The following MYO16 variants were observed in gnomAD, a reference collection of about 807,000 sequenced individuals.
MYO16 encodes myosin XVI.
Under a neutral mutation model 205.3 loss-of-function variants are expected in MYO16, and 94 were observed. The ratio of observed to expected loss-of-function variants is 0.46; its 90% CI spans 0.39 to 0.54. MYO16 has a LOEUF of 0.54. Among genes scored for constraint, MYO16 ranks in the 20% least tolerant of loss-of-function variants. The probability of loss-of-function intolerance (pLI) is 0.00; values close to 1 mark genes in which losing one functional copy is unlikely to be tolerated. For missense variants in MYO16, 2,315 were observed against 2,387.5 expected (o/e 0.97, Z 0.63); for synonymous variants, 988 against 954.0 (o/e 1.04, Z -0.66).
chr13:108,807,296 T>C (rs1464463080), intron 7 of MYO16, among the ~76,000 whole-genome samples: 1 of 152,146 alleles, frequency 6.6e-6, no homozygotes, highest in Non-Finnish European at 1.5e-5. Flanking sequence ...AGACTAATCA[T>C]TATGTAAAAT....
At chr13:108,736,169 T>C (rs1884690770) in intron 4 of MYO16, among the ~76,000 whole-genome samples, 1 of 152,230 alleles carries the variant, frequency 6.6e-6, no homozygotes, top group Admixed American at 6.5e-5. Flanking sequence ...TTTGTCAATT[T>C]TGGCTTTTGT....
chr13:108,898,757 A>G (rs536564049), intron 15 of MYO16, among the ~76,000 whole-genome samples: 1 of 152,298 alleles, frequency 6.6e-6, no homozygotes, highest in Admixed American at 6.5e-5. Flanking sequence ...AGTATATTTT[A>G]TAAAAACTCC....
chr13:109,116,363 G>C (rs913326481), intron 28 of MYO16, among the ~76,000 whole-genome samples: 8 of 152,094 alleles, frequency 5.3e-5, no homozygotes, highest in Admixed American at 2.0e-4. Context: ...CCAGGGGATT[G>C]GAGGACAGAT....
At chr13:109,163,870 T>C (rs1321271359) in intron 32 of MYO16, 1 of 152,206 alleles carries the variant, frequency 6.6e-6, no homozygotes, top group Non-Finnish European at 1.5e-5. Flanking sequence ...CGTTCTGCCA[T>C]ATTTAAAGTA....
At chr13:109,037,972 G>C (rs1361663684) in intron 23 of MYO16, among the ~76,000 whole-genome samples, 1 of 152,170 alleles carries the variant, frequency 6.6e-6, no homozygotes, top group African/African-American at 2.4e-5. Flanking sequence ...GTGATGGCAA[G>C]GGAGGAATCT....
At chr13:108,543,610 C>T in the MYO16 span, among the ~76,000 whole-genome samples, 1 of 146,730 alleles carries the variant, frequency 6.8e-6, no homozygotes, top group African/African-American at 2.5e-5. Context: ...CCACTGCACT[C>T]CAGCCTGGGC....
At chr13:108,857,852 C>A (rs1198288957) in intron 11 of MYO16, among the ~76,000 whole-genome samples, 1 of 152,210 alleles carries the variant, frequency 6.6e-6, no homozygotes, top group Non-Finnish European at 1.5e-5. Flanking sequence ...TAGTCAGTTT[C>A]TCTCTCTTTC....
At chr13:108,503,046 G>T in the MYO16 span, among the ~76,000 whole-genome samples, 8 of 152,136 alleles carry the variant, frequency 5.3e-5, no homozygotes, top group Non-Finnish European at 1.2e-4. Flanking sequence ...GTGAAGCTAA[G>T]ATATGTTATT....
chr13:108,809,505 C>G (rs182591587), intron 7 of MYO16, among the ~76,000 whole-genome samples: 3 of 152,054 alleles, frequency 2.0e-5, no homozygotes, highest in African/African-American at 7.2e-5. Flanking sequence ...GAATGTGAAG[C>G]GGGAACAGGC....
intron 28 of MYO16, among the ~76,000 whole-genome samples, chr13:109,117,470 ATG>A (rs1875773196): frequency 6.8e-6 from 1 of 148,130 alleles, no homozygotes. Context: ...ATGTGTATAT[ATG>A]TATGTATATG....
intron 28 of MYO16, among the ~76,000 whole-genome samples, chr13:109,118,877 A>C (rs1198314730): frequency 6.6e-6 from 1 of 152,182 alleles, no homozygotes; most frequent in Non-Finnish European, 1.5e-5. Flanking sequence ...CCACCCACTC[A>C]TGTTACTGTC....
chr13:108,545,170 C>T, the MYO16 span, among the ~76,000 whole-genome samples: 1 of 152,122 alleles, frequency 6.6e-6, no homozygotes, highest in African/African-American at 2.4e-5. Flanking sequence ...CCTCTACCCT[C>T]AGGGAGGCCC....
In MYO16 at chr13:108,831,702, A is replaced by C. The variant is rs376154119; in HGVS notation, c.1097+8424A>C. ...TAATTTTTGTAATTTTACTAGAGAC[A>C]GGGTTTTACCACCTTGGCCAGGCTG... On this transcript the variant is annotated intron_variant, in intron 9 of 34. Transcript: ENST00000457511. Among the ~76,000 whole-genome samples the C allele has an allele frequency of 7.2e-5, 11 of 152,264 alleles. No homozygotes were observed. In the East Asian group the frequency reaches 1.9e-3, roughly 27 times the overall value.
At chr13:109,043,259 C>T (rs189000639) in intron 23 of MYO16, among the ~76,000 whole-genome samples, 17 of 152,184 alleles carry the variant, frequency 1.1e-4, no homozygotes, top group South Asian at 4.2e-4. Flanking sequence ...CTGAGAAATG[C>T]GTAGTCATCG....
chr13:108,941,017 C>T (rs937166089), intron 16 of MYO16, among the ~76,000 whole-genome samples: 1 of 152,198 alleles, frequency 6.6e-6, no homozygotes. Flanking sequence ...TTAATTTGAA[C>T]TTTCATTGCT....
chr13:108,629,864 T>C lies in MYO16; in HGVS notation c.20T>C (p.Ile7Thr). 2 of 1,528,212 alleles carry C rather than the reference T, an allele frequency of 1.3e-6. No individual in the cohort carries two copies. Among genetic ancestry groups the C allele is most frequent in the Non-Finnish European group, 1.8e-6 (2 of 1,140,312 alleles). 94.7% of individuals were successfully genotyped at this position (1,528,212 alleles called of 1,614,324 possible). Reference protein sequence around the residue: MSHYHFIKCCCFQLCNV... With the variant: MSHYHFTKCCCFQLCNV... ...GGAAAGATGTCTCACTATCATTTTA[T>C]CAAGTGCTGTAAGTAAGCTTGATAT... The change falls in exon 1 of 35, where the codon ATC (isoleucine) becomes ACC (threonine). Residue 7 changes from isoleucine to threonine, a missense_variant. By Grantham distance (89) the Ile-to-Thr change is moderately conservative (BLOSUM62 -1). Around this residue, in one of 3 missense-constraint regions of MYO16, gnomAD observed 1,213 missense variants for 1,274.4 expected, o/e 0.95. Transcript: ENST00000457511.
intron 1 of MYO16, among the ~76,000 whole-genome samples, chr13:108,617,850 C>A (rs1332764080): frequency 6.6e-6 from 1 of 152,062 alleles, no homozygotes; most frequent in East Asian, 1.9e-4. Context: ...ATATATCATA[C>A]CCAGATAATC....
At chr13:108,872,901 A>G (rs1879136287) in intron 12 of MYO16, among the ~76,000 whole-genome samples, 1 of 152,182 alleles carries the variant, frequency 6.6e-6, no homozygotes, top group African/African-American at 2.4e-5. Flanking sequence ...TGGACTTGAC[A>G]TCCATTATGT....
At chr13:108,977,255 G>A (rs1884297520) in intron 20 of MYO16, among the ~76,000 whole-genome samples, 2 of 152,112 alleles carry the variant, frequency 1.3e-5, no homozygotes, top group South Asian at 2.1e-4. Context: ...AGAAATCTCA[G>A]TATACTCACC....
Sources: allele counts gnomAD v4.1 joint callset (sites outside exome capture counted in the v4.1 genomes callset), GRCh38; gene constraint gnomAD v4.1.1; regional missense constraint gnomAD v4.1.1; transcripts MANE v1.5; gene names NCBI Gene and HGNC (gene_info 2026-07-23, HGNC 2026-07-21).